ATOSA: variants seen among roughly 807,000 people sequenced by gnomAD.
ATOSA encodes the protein atos homolog A, also known as atos homolog protein A.
chr15:52,582,190 T>A, the ATOSA span: 1 of 1,588,768 alleles, frequency 6.3e-7, no homozygotes, highest in South Asian at 1.2e-5. Context: ...TTGTTGGTGA[T>A]TCAGTGTAAG....
chr15:52,694,997 T>A, the ATOSA span, among the ~76,000 whole-genome samples: 1 of 151,560 alleles, frequency 6.6e-6, no homozygotes, highest in Non-Finnish European at 1.5e-5. Context: ...TGATCCCGGC[T>A]CACTGCAACC....
the ATOSA span, among the ~76,000 whole-genome samples, chr15:52,614,779 T>C: frequency 2.7e-4 from 41 of 151,658 alleles, no homozygotes; most frequent in Middle Eastern, 3.2e-3. Context: ...ACACGGGAGA[T>C]GGAGGTTGCG....
chr15:52,630,083 C>G, the ATOSA span, among the ~76,000 whole-genome samples: 1 of 152,110 alleles, frequency 6.6e-6, no homozygotes, highest in African/African-American at 2.4e-5. Context: ...GTGTTCTGAA[C>G]AAGTTCTTTT....
At chr15:52,678,842 G>A in the ATOSA span, 1 of 153,592 alleles carries the variant, frequency 6.5e-6, no homozygotes, top group Non-Finnish European at 1.4e-5. Context: ...CGCCGCGTCT[G>A]CCCCTCTCCC....
the ATOSA span, among the ~76,000 whole-genome samples, chr15:52,640,956 A>G: frequency 6.6e-6 from 1 of 152,196 alleles, no homozygotes; most frequent in African/African-American, 2.4e-5. Context: ...TATATATTCA[A>G]AGGAAATGAA....
At chr15:52,692,013 A>G in the ATOSA span, among the ~76,000 whole-genome samples, 2 of 152,134 alleles carry the variant, frequency 1.3e-5, no homozygotes, top group African/African-American at 2.4e-5. Flanking sequence ...GGAAAAGGAC[A>G]CAAAGTTTCC....
chr15:52,609,848 C>G, the ATOSA span: 5 of 1,613,850 alleles, frequency 3.1e-6, no homozygotes, highest in Non-Finnish European at 4.2e-6. Flanking sequence ...GTCTCACCAG[C>G]TGACTGCCAG....
the ATOSA span, among the ~76,000 whole-genome samples, chr15:52,638,376 C>T: frequency 1.3e-5 from 2 of 152,160 alleles, no homozygotes; most frequent in South Asian, 2.1e-4. Flanking sequence ...TGAACCCTAA[C>T]GTAAACTACG....
the ATOSA span, among the ~76,000 whole-genome samples, chr15:52,661,931 C>CAAAA: frequency 0.023 from 1,634 of 71,090 alleles, 55 homozygotes; most frequent in African/African-American, 0.053. Flanking sequence ...CAAGCCAGGC[C>CAAAA]AAAAAAAAAA....
chr15:52,611,444 C>A, the ATOSA span: 13 of 1,186,350 alleles, frequency 1.1e-5, no homozygotes, highest in South Asian at 1.3e-4. Flanking sequence ...CATTTTAGTG[C>A]CAAATATAAA....
the ATOSA span, chr15:52,651,947 A>G: frequency 1.3e-6 from 2 of 1,535,206 alleles, no homozygotes; most frequent in Non-Finnish European, 1.7e-6. Flanking sequence ...TCTGGCTATC[A>G]ATAGCTATAC....
At chr15:52,662,768 T>G in the ATOSA span, among the ~76,000 whole-genome samples, 1 of 98,432 alleles carries the variant, frequency 1.0e-5, no homozygotes, top group African/African-American at 5.0e-5. Flanking sequence ...AGACTCCGTC[T>G]CAAAAAAAAA....
the ATOSA span, among the ~76,000 whole-genome samples, chr15:52,680,272 C>G: frequency 6.6e-6 from 1 of 152,098 alleles, no homozygotes; most frequent in African/African-American, 2.4e-5. Flanking sequence ...AGCGCTGCAG[C>G]TATTAGCTAC....
At chr15:52,590,305 C>CTT in the ATOSA span, among the ~76,000 whole-genome samples, 3 of 152,180 alleles carry the variant, frequency 2.0e-5, no homozygotes, top group African/African-American at 7.2e-5. Context: ...CACTGGCACA[C>CTT]CTGCCTTAGA....
At chr15:52,626,264 C>A in the ATOSA span, among the ~76,000 whole-genome samples, 1 of 152,114 alleles carries the variant, frequency 6.6e-6, no homozygotes, top group Non-Finnish European at 1.5e-5. Flanking sequence ...CCACATGTCT[C>A]TCCTTTTTAA....
At chr15:52,684,836 C>G in the ATOSA span, among the ~76,000 whole-genome samples, 2 of 152,152 alleles carry the variant, frequency 1.3e-5, no homozygotes, top group East Asian at 3.9e-4. Context: ...CTTGGCCCCC[C>G]AAAGTGTTGG....
chr15:52,611,012 T>G, the ATOSA span: 1 of 1,220,474 alleles, frequency 8.2e-7, no homozygotes, highest in African/African-American at 1.5e-5. Context: ...CTCAGTAAAT[T>G]TTATCCACTT....
chr15:52,628,640 T>G, the ATOSA span, among the ~76,000 whole-genome samples: 2 of 152,152 alleles, frequency 1.3e-5, no homozygotes, highest in East Asian at 3.8e-4. Flanking sequence ...CAGCAAAACT[T>G]TTAAAAAGGC....
the ATOSA span, chr15:52,609,450 C>G: frequency 6.2e-7 from 1 of 1,613,570 alleles, no homozygotes; most frequent in Admixed American, 1.7e-5. Context: ...GTTGAGCAAT[C>G]CTTGCAATAA....
Sources: gnomAD v4.1 joint callset for allele counts (sites outside exome capture counted in the v4.1 genomes callset) on GRCh38, gnomAD v4.1.1 for gene constraint, MANE v1.5 for transcripts, NCBI Gene and HGNC (gene_info 2026-07-23, HGNC 2026-07-21) for gene names.